Variants in NRCAM observed in about 807,000 individuals in gnomAD.
NRCAM encodes NgCAM-related cell adhesion molecule.
Under a neutral mutation model 156.5 loss-of-function variants are expected in NRCAM, and 83 were observed. That is an observed-to-expected ratio of 0.53 (90% CI 0.44 to 0.64). The LOEUF (loss-of-function observed/expected upper bound fraction) is 0.64. Ranked by LOEUF, NRCAM falls within the 30% of genes least tolerant of loss-of-function variation. NRCAM has a pLI of 0.00. For synonymous variants in NRCAM, 538 were observed against 563.9 expected (o/e 0.95, Z 0.65); for missense variants, 1,417 against 1,597.3 (o/e 0.89, Z 1.92).
At chr7:108,336,828 T>G (rs2099198706) in intron 2 of NRCAM, among the ~76,000 whole-genome samples, 1 of 152,164 alleles carries the variant, frequency 6.6e-6, no homozygotes. Flanking sequence ...ATAACTACAG[T>G]TAAATAGATT....
At chr7:108,270,070 G>A (rs2097284953) in intron 3 of NRCAM, among the ~76,000 whole-genome samples, 1 of 152,146 alleles carries the variant, frequency 6.6e-6, no homozygotes, top group African/African-American at 2.4e-5. Flanking sequence ...CCTATCATGA[G>A]CTTGGAAAAT....
chr7:108,347,123 T>A (rs2099362921), intron 2 of NRCAM, among the ~76,000 whole-genome samples: 1 of 135,564 alleles, frequency 7.4e-6, no homozygotes, highest in South Asian at 2.5e-4. Flanking sequence ...CTGCAAGCAC[T>A]GCCTCCCGGG....
At chr7:108,152,414 G>T (rs914700724) in intron 32 of NRCAM, among the ~76,000 whole-genome samples, 2 of 151,934 alleles carry the variant, frequency 1.3e-5, no homozygotes, top group African/African-American at 2.4e-5. Flanking sequence ...GGTGTGGCTG[G>T]GGGGAGGGAG....
intron 3 of NRCAM, among the ~76,000 whole-genome samples, chr7:108,241,722 A>C (rs929000213): frequency 6.6e-6 from 1 of 152,130 alleles, no homozygotes; most frequent in Admixed American, 6.5e-5. Context: ...AAGACTTTAC[A>C]ATCTTTGAAG....
intron 30 of NRCAM, among the ~76,000 whole-genome samples, chr7:108,161,806 A>G (rs2049191886): frequency 6.6e-6 from 1 of 152,264 alleles, no homozygotes; most frequent in Non-Finnish European, 1.5e-5. Context: ...CATATGTAGA[A>G]GAAATAAAAT....
intron 20 of NRCAM, among the ~76,000 whole-genome samples, chr7:108,186,703 A>G (rs1399788853): frequency 6.6e-6 from 1 of 152,188 alleles, no homozygotes; most frequent in Non-Finnish European, 1.5e-5. Context: ...ATACATCTTT[A>G]TATGTATTTA....
intron 1 of NRCAM, among the ~76,000 whole-genome samples, chr7:108,421,063 C>G (rs1489540047): frequency 1.3e-5 from 2 of 152,068 alleles, no homozygotes; most frequent in African/African-American, 2.4e-5. Flanking sequence ...ATAGCATACA[C>G]AGAAAAGCAA....
chr7:108,343,614 T>C (rs979784349), intron 2 of NRCAM, among the ~76,000 whole-genome samples: 11 of 152,170 alleles, frequency 7.2e-5, no homozygotes, highest in Admixed American at 2.0e-4. Flanking sequence ...CATGAGGACA[T>C]AGTTTCCTCC....
At chr7:108,434,383 G>T (rs1363467988) in intron 1 of NRCAM, among the ~76,000 whole-genome samples, 1 of 152,162 alleles carries the variant, frequency 6.6e-6, no homozygotes, top group Non-Finnish European at 1.5e-5. Context: ...AAAAACTAGT[G>T]GATCAATCAG....
At chr7:108,211,575 T>G (rs1485562388) in intron 11 of NRCAM, among the ~76,000 whole-genome samples, 1 of 152,086 alleles carries the variant, frequency 6.6e-6, no homozygotes, top group Non-Finnish European at 1.5e-5. Context: ...GCCTTTTGGT[T>G]TGCGTGGGAG....
chr7:108,185,464 G>A (rs1251011290), intron 20 of NRCAM, among the ~76,000 whole-genome samples: 1 of 152,110 alleles, frequency 6.6e-6, no homozygotes, highest in African/African-American at 2.4e-5. Context: ...AGCCAAGTGC[G>A]GTGGCTCACA....
chr7:108,401,961 G>A (rs1188059989), intron 1 of NRCAM, among the ~76,000 whole-genome samples: 2 of 152,188 alleles, frequency 1.3e-5, no homozygotes, highest in Non-Finnish European at 2.9e-5. Flanking sequence ...AATTTCTGTT[G>A]AGAGAGAATT....
chr7:108,188,115 A>C (rs1440228223), intron 20 of NRCAM, among the ~76,000 whole-genome samples: 1 of 152,148 alleles, frequency 6.6e-6, no homozygotes, highest in African/African-American at 2.4e-5. Context: ...TGAGTAGAAG[A>C]AGCCTCAGAC....
intron 3 of NRCAM, 43 bp downstream of exon 3, chr7:108,312,622 C>A (rs1459086101): frequency 6.6e-6 from 1 of 152,158 alleles, no homozygotes; most frequent in Non-Finnish European, 1.5e-5. Context: ...TAATTCTCAT[C>A]TTTAACTACG....
chr7:108,416,858 C>T (rs1285084252), intron 1 of NRCAM, among the ~76,000 whole-genome samples: 2 of 152,210 alleles, frequency 1.3e-5, no homozygotes, highest in Non-Finnish European at 2.9e-5. Flanking sequence ...TTCTATCAAA[C>T]AGCACCTACT....
intron 28 of NRCAM, among the ~76,000 whole-genome samples, chr7:108,171,412 C>A (rs2058366821): frequency 6.6e-6 from 1 of 152,188 alleles, no homozygotes; most frequent in Non-Finnish European, 1.5e-5. Flanking sequence ...TCAGGGTCTT[C>A]TCTTTTCCAC....
intron 5 of NRCAM, 32 bp from the exon 6 acceptor site, chr7:108,234,720 A>C (rs756314893): frequency 7.5e-6 from 11 of 1,472,866 alleles, no homozygotes; most frequent in Admixed American, 5.1e-5. Flanking sequence ...ATGTAAAAAA[A>C]CAAATTATTT....
At chr7:108,198,725 C>T (rs906185134) in intron 13 of NRCAM, among the ~76,000 whole-genome samples, 3 of 152,164 alleles carry the variant, frequency 2.0e-5, no homozygotes, top group South Asian at 2.1e-4. Flanking sequence ...ATAAACACTA[C>T]GGGGCTAATA....
chr7:108,194,065 G>A lies in NRCAM; in HGVS notation c.1737C>T (p.Val579=). The A allele has an allele frequency of 6.2e-7, 1 of 1,614,142 alleles. No individual in the cohort carries two copies. Among genetic ancestry groups the A allele is most frequent in the Non-Finnish European group, 8.5e-7 (1 of 1,179,992 alleles). Residue 579 remains valine (V), a synonymous_variant, in exon 17 of 33, where the codon GTC becomes GTT. Transcript: ENST00000379028. The part of the protein sequence containing the change: ...VKHDHTLSLT[V]LWLKDNRELP... ...GTTCCCTGTTGTCCTTCAGCCACAG[G>A]ACAGTGAGGGATAAGGTGTGATCAT...
Sources: gnomAD v4.1 joint callset for allele counts (sites outside exome capture counted in the v4.1 genomes callset) on GRCh38, gnomAD v4.1.1 for gene constraint, MANE v1.5 for transcripts, NCBI Gene and HGNC (gene_info 2026-07-23, HGNC 2026-07-21) for gene names.